Variants in OR9Q1 observed in about 807,000 individuals in gnomAD.
The protein encoded by OR9Q1 is olfactory receptor family 9 subfamily Q member 1.
For synonymous variants in OR9Q1, 153 were observed against 148.6 expected (o/e 1.03, Z -0.22); for missense variants, 374 against 378.8 (o/e 0.99, Z 0.11).
At chr11:58,060,199 C>T (rs1853367254) in intron 2 of OR9Q1, 1 of 152,170 alleles carries the variant, frequency 6.6e-6, no homozygotes, top group African/African-American at 2.4e-5. Context: ...CACCATTATC[C>T]CTTCCCACTC....
chr11:58,164,441 C>T (rs1465628276), intron 2 of OR9Q1, among the ~76,000 whole-genome samples: 6 of 152,078 alleles, frequency 3.9e-5, no homozygotes, highest in Non-Finnish European at 7.4e-5. Context: ...TCTATATCCT[C>T]ACCTTAAGAT....
At chr11:58,163,811 A>T in intron 2 of OR9Q1, among the ~76,000 whole-genome samples, 1 of 152,180 alleles carries the variant, frequency 6.6e-6, no homozygotes, top group Admixed American at 6.5e-5. Flanking sequence ...GTGATTCATG[A>T]CATTATTCTG....
At chr11:58,092,938 G>A (rs1853697844) in intron 2 of OR9Q1, among the ~76,000 whole-genome samples, 3 of 152,128 alleles carry the variant, frequency 2.0e-5, no homozygotes, top group Non-Finnish European at 4.4e-5. Flanking sequence ...AGGCAGGAAA[G>A]CAACAATGAG....
At chr11:58,096,918 C>T (rs1590587908) in intron 2 of OR9Q1, among the ~76,000 whole-genome samples, 1 of 151,956 alleles carries the variant, frequency 6.6e-6, no homozygotes, top group South Asian at 2.1e-4. Context: ...TAGCCAGGCT[C>T]GTCTCGAACT....
intron 2 of OR9Q1, among the ~76,000 whole-genome samples, chr11:58,120,980 A>G (rs1234702172): frequency 6.6e-6 from 1 of 151,902 alleles, no homozygotes; most frequent in South Asian, 2.1e-4. Flanking sequence ...TTGCTAATTT[A>G]AGTCTTCTCT....
intron 2 of OR9Q1, among the ~76,000 whole-genome samples, chr11:58,163,167 C>A (rs180953786): frequency 3.2e-4 from 48 of 152,272 alleles, no homozygotes; most frequent in Non-Finnish European, 5.7e-4. Context: ...TAAGGTTCAG[C>A]TCAAATGCCA....
intron 2 of OR9Q1, among the ~76,000 whole-genome samples, chr11:58,068,870 C>G (rs1853459815): frequency 6.6e-6 from 1 of 152,022 alleles, no homozygotes; most frequent in African/African-American, 2.4e-5. Flanking sequence ...AAGGGAGCAC[C>G]AGGGAGCGGG....
chr11:58,071,973 C>A (rs1197323453), intron 2 of OR9Q1, among the ~76,000 whole-genome samples: 1 of 152,072 alleles, frequency 6.6e-6, no homozygotes, highest in Non-Finnish European at 1.5e-5. Context: ...GGGTCTAATT[C>A]CTGGGTGATG....
chr11:58,152,300 A>T (rs1530858), intron 2 of OR9Q1, among the ~76,000 whole-genome samples: 54,554 of 152,040 alleles, frequency 0.36, 10,039 homozygotes, highest in Admixed American at 0.44. Flanking sequence ...AGATAATATT[A>T]GTATATATTT....
chr11:58,167,415 T>G (rs1452597902), intron 2 of OR9Q1, among the ~76,000 whole-genome samples: 1 of 152,222 alleles, frequency 6.6e-6, no homozygotes, highest in Non-Finnish European at 1.5e-5. Flanking sequence ...CTCATTATTC[T>G]TTTTCAAAAA....
intron 2 of OR9Q1, among the ~76,000 whole-genome samples, chr11:58,159,601 G>T (rs61902804): frequency 0.2 from 30,648 of 152,108 alleles, 3,502 homozygotes; most frequent in Non-Finnish European, 0.26. Flanking sequence ...AAGGACATTG[G>T]CAGCACAGGG....
intron 1 of OR9Q1, among the ~76,000 whole-genome samples, chr11:58,038,335 A>C (rs1463712814): frequency 1.3e-5 from 2 of 152,200 alleles, no homozygotes; most frequent in Non-Finnish European, 2.9e-5. Flanking sequence ...AAGCTATACA[A>C]TCATGTTGTA....
At chr11:58,133,487 C>T (rs1854162374) in intron 2 of OR9Q1, among the ~76,000 whole-genome samples, 3 of 152,192 alleles carry the variant, frequency 2.0e-5, no homozygotes, top group Admixed American at 2.0e-4. Flanking sequence ...TCTGGGAGCA[C>T]AATGTGCTGG....
At chr11:58,103,958 T>C (rs914734880) in intron 2 of OR9Q1, among the ~76,000 whole-genome samples, 1 of 152,178 alleles carries the variant, frequency 6.6e-6, no homozygotes, top group Non-Finnish European at 1.5e-5. Flanking sequence ...ACTGGACTGG[T>C]TCTCAGGCCA....
intron 2 of OR9Q1, among the ~76,000 whole-genome samples, chr11:58,106,525 AT>A (rs1165507236): frequency 2.0e-5 from 3 of 151,628 alleles, no homozygotes; most frequent in Admixed American, 6.6e-5. Flanking sequence ...TCAATTTTGG[AT>A]TTTTTTGTTT....
intron 2 of OR9Q1, among the ~76,000 whole-genome samples, chr11:58,120,206 T>C (rs1283512983): frequency 2.0e-5 from 3 of 152,160 alleles, no homozygotes; most frequent in African/African-American, 7.2e-5. Context: ...TTATAAATAA[T>C]ATGTTCAAAC....
intron 2 of OR9Q1, among the ~76,000 whole-genome samples, chr11:58,169,719 T>C (rs563010187): frequency 2.0e-5 from 3 of 152,214 alleles, no homozygotes; most frequent in Admixed American, 6.5e-5. Flanking sequence ...TCCTTTTTGT[T>C]CCCCTCTTTT....
intron 2 of OR9Q1, among the ~76,000 whole-genome samples, chr11:58,129,549 A>G (rs1394310873): frequency 2.0e-5 from 3 of 151,812 alleles, no homozygotes; most frequent in Admixed American, 6.6e-5. Flanking sequence ...TCTGGTTTTG[A>G]TCTCCTACTG....
intron 2 of OR9Q1, chr11:58,118,378 G>A: frequency 1.5e-6 from 1 of 670,774 alleles, no homozygotes; most frequent in African/African-American, 1.8e-5. Context: ...CTGTGTGCCT[G>A]GTGGTACCTA....
Sources: gnomAD v4.1 joint callset for allele counts (sites outside exome capture counted in the v4.1 genomes callset) on GRCh38, gnomAD v4.1.1 for gene constraint, MANE v1.5 for transcripts, NCBI Gene and HGNC (gene_info 2026-07-23, HGNC 2026-07-21) for gene names.